Variants in RIPOR2 observed in about 807,000 individuals in gnomAD.
RIPOR2 encodes the protein rho family-interacting cell polarization regulator 2.
RIPOR2 carries 39 observed loss-of-function variants against 114.5 expected under a neutral mutation model. The ratio of observed to expected loss-of-function variants is 0.34; its 90% confidence interval spans 0.26 to 0.44. The LOEUF is 0.44. Among genes scored for constraint, RIPOR2 ranks in the 20% least tolerant of loss-of-function variants. The pLI is 1.00. For synonymous variants in RIPOR2, 445 were observed against 484.4 expected (o/e 0.92, Z 1.07); for missense variants, 1,007 against 1,255.1 (o/e 0.80, Z 2.99).
At chr6:24,932,358 AAGAG>A (rs1463340138) in intron 1 of RIPOR2, among the ~76,000 whole-genome samples, 4 of 151,486 alleles carry the variant, frequency 2.6e-5, no homozygotes, top group South Asian at 2.1e-4. Flanking sequence ...GAGAGAGAAA[AAGAG>A]AGAGAAGAAA....
intron 19 of RIPOR2, among the ~76,000 whole-genome samples, chr6:24,819,743 C>T (rs9366582): frequency 0.29 from 42,762 of 146,978 alleles, 7,202 homozygotes; most frequent in East Asian, 0.68. Flanking sequence ...CCTTGTGATC[C>T]GCCCACCTCG....
intron 1 of RIPOR2, among the ~76,000 whole-genome samples, chr6:25,036,794 CAA>C (rs1326290841): frequency 1.3e-5 from 2 of 152,154 alleles, no homozygotes; most frequent in African/African-American, 4.8e-5. Flanking sequence ...TCTGTGGGGG[CAA>C]ACACTCCATT....
chr6:24,961,046 G>A (rs1347492200), intron 1 of RIPOR2, among the ~76,000 whole-genome samples: 3 of 152,132 alleles, frequency 2.0e-5, no homozygotes, highest in Non-Finnish European at 4.4e-5. Context: ...TCGGCTCTGG[G>A]CAAGGTGCCA....
chr6:24,822,575 A>T (rs371083603), intron 19 of RIPOR2, among the ~76,000 whole-genome samples: 5 of 151,874 alleles, frequency 3.3e-5, no homozygotes, highest in African/African-American at 1.2e-4. Flanking sequence ...CTGGAGTGCA[A>T]TGGTGCGATC....
intron 9 of RIPOR2, among the ~76,000 whole-genome samples, chr6:24,852,063 C>T (rs923328798): frequency 1.3e-5 from 2 of 151,976 alleles, no homozygotes; most frequent in Non-Finnish European, 1.5e-5. Flanking sequence ...AGTTCAAGAC[C>T]AGCCTGGCCA....
intron 1 of RIPOR2, among the ~76,000 whole-genome samples, chr6:24,917,480 T>C (rs1250387720): frequency 1.3e-5 from 2 of 152,256 alleles, no homozygotes; most frequent in Non-Finnish European, 2.9e-5. Flanking sequence ...AAAGTATCAA[T>C]ATCTACGTGT....
At chr6:24,886,596 G>A (rs2113950703) in intron 1 of RIPOR2, among the ~76,000 whole-genome samples, 1 of 152,290 alleles carries the variant, frequency 6.6e-6, no homozygotes, top group African/African-American at 2.4e-5. Context: ...CTTACTTTGG[G>A]TTTGTTTGCT....
At chr6:25,030,187 G>C (rs1776853659) in intron 1 of RIPOR2, among the ~76,000 whole-genome samples, 1 of 151,986 alleles carries the variant, frequency 6.6e-6, no homozygotes, top group Non-Finnish European at 1.5e-5. Flanking sequence ...TTCTGTACAG[G>C]TTGTATAATC....
Position 24,848,125 on chromosome 6 carries a change from GA to G in RIPOR2, c.1063del (p.Ser355ProfsTer125). 6.2e-7 allele frequency: 1 copy of G among 1,613,706 alleles called. No homozygotes were observed. The highest frequency in any genetic ancestry group is 8.5e-7 in the Non-Finnish European group (1 of 1,179,806). On this transcript the variant is annotated frameshift_variant, in exon 12 of 22. Transcript: ENST00000643898. LOFTEE classifies it high-confidence loss of function. The stretch of plus-strand genomic sequence containing the variant: ...TGCTGCCTTGTTCCCAGCGCCTGAG[GA>G]TGCGGTCATGTCCTCCACGTCAAAT... ...YPFDVEDMTASSGAGNKAAAL... is the reference protein window; with the variant it reads ...YPFDVEDMTAXSGAGNKAAAL...
chr6:24,806,446 T>C lies in RIPOR2; in HGVS notation c.3071A>G (p.Gln1024Arg), dbSNP rs201521593. ...ACAGTCTCGAGGAAATTTGTCCAATTGTTCATATGCCAGCCGCCCATCTTC... is the reference window on the plus strand; with the variant it reads ...ACAGTCTCGAGGAAATTTGTCCAATCGTTCATATGCCAGCCGCCCATCTTC... ...LGEDGRLAYE[Q>R]LDKFPRDCVK... is the part of the protein sequence containing the mutation. Residue 1024 changes from glutamine to arginine, a missense_variant, in exon 22 of 22, where the codon CAA (glutamine) becomes CGA (arginine). By Grantham distance (43) the Gln-to-Arg change is conservative (BLOSUM62 1). Coordinates refer to ENST00000643898, the MANE Select transcript of RIPOR2 (RefSeq NM_001286445.3). 1.6e-4 allele frequency: 241 copies of C among 1,551,898 alleles called. 3 individuals carry two copies. The South Asian group carries it at 2.0e-3, about 13-fold the overall frequency.
At chr6:24,861,080 C>CCAA in intron 7 of RIPOR2, 44 bp from the exon 8 acceptor site, 1 of 1,402,448 alleles carries the variant, frequency 7.1e-7, no homozygotes, top group Non-Finnish European at 1.0e-6. Flanking sequence ...AGCCTTTCAC[C>CCAA]CAACAGCTCA....
At chr6:24,880,968 G>T (rs1000261366) in intron 1 of RIPOR2, among the ~76,000 whole-genome samples, 4 of 152,194 alleles carry the variant, frequency 2.6e-5, no homozygotes, top group African/African-American at 9.7e-5. Context: ...CTCAGGCCAG[G>T]TGCAGTGGCT....
intron 20 of RIPOR2, among the ~76,000 whole-genome samples, chr6:24,817,974 C>CTTTTTTTTTTTT (rs1240119674): frequency 3.1e-5 from 1 of 31,798 alleles, no homozygotes. Context: ...TTCTCTCTCT[C>CTTTTTTTTTTTT]TCTCTTTTTT....
At chr6:24,844,504 T>G (rs1036786940) in intron 12 of RIPOR2, among the ~76,000 whole-genome samples, 1 of 152,002 alleles carries the variant, frequency 6.6e-6, no homozygotes, top group African/African-American at 2.4e-5. Flanking sequence ...GAGTTTCCCT[T>G]TTGTTGCCCA....
Position 24,811,666 on chromosome 6 carries a change from T to TATGACAATCAAAACTGG in RIPOR2, c.2953-1860_2953-1859insCCAGTTTTGATTGTCAT, listed in dbSNP as rs1429594338. 4.7e-3 allele frequency among the ~76,000 whole-genome samples: 40 copies of TATGACAATCAAAACTGG among 8,538 alleles called. 8 individuals carry two copies. Among genetic ancestry groups the TATGACAATCAAAACTGG allele is most frequent in the Middle Eastern group, 0.1 (1 of 10 alleles). 5.6% of individuals were successfully genotyped at this position (8,538 alleles called of 152,430 possible). A position where few individuals can be genotyped will look rare whatever the true frequency, so the allele number is the denominator to read the frequency against. ...TCCCATTCGTTTAGTACTTTTTTTT[T>TATGACAATCAAAACTGG]TTTTTTTTTCTTTTTTTTTTTTTTA... On this transcript the variant is annotated intron_variant, in intron 20 of 21. Transcript: ENST00000643898.
intron 1 of RIPOR2, among the ~76,000 whole-genome samples, chr6:25,005,920 G>A (rs1236200498): frequency 2.0e-5 from 3 of 151,410 alleles, no homozygotes; most frequent in Non-Finnish European, 2.9e-5. Context: ...GAAAGCAATA[G>A]AACATTCAGA....
At chr6:24,871,923 G>A (rs1486994353) in intron 4 of RIPOR2, among the ~76,000 whole-genome samples, 1 of 152,114 alleles carries the variant, frequency 6.6e-6, no homozygotes, top group Non-Finnish European at 1.5e-5. Flanking sequence ...ATAGATGCAG[G>A]CAATTTATAT....
intron 1 of RIPOR2, among the ~76,000 whole-genome samples, chr6:24,948,799 G>A (rs2114195852): frequency 6.6e-6 from 1 of 152,270 alleles, no homozygotes; most frequent in Admixed American, 6.5e-5. Flanking sequence ...CCAAAGTGCT[G>A]GGATTACAGG....
In RIPOR2 at chr6:24,832,252, T is replaced by A; in HGVS notation, c.2344+4A>T. The A allele has an allele frequency of 4.5e-6, 7 of 1,551,534 alleles. No homozygotes were observed. Among genetic ancestry groups the A allele is most frequent in the Non-Finnish European group, 6.1e-6 (7 of 1,146,844 alleles). On this transcript the variant is annotated splice_donor_region_variant and intron_variant, in intron 16 of 21. Coordinates refer to ENST00000643898, the MANE Select transcript of RIPOR2 (RefSeq NM_001286445.3). ...GAATAGCGGTGTAACTGGCAGATACTTACCTTCCACAACAGAACTGATATT... is the reference window on the plus strand; with the variant it reads ...GAATAGCGGTGTAACTGGCAGATACATACCTTCCACAACAGAACTGATATT...
Sources: gnomAD v4.1 joint callset for allele counts (sites outside exome capture counted in the v4.1 genomes callset) on GRCh38, gnomAD v4.1.1 for gene constraint, MANE v1.5 for transcripts, NCBI Gene and HGNC (gene_info 2026-07-23, HGNC 2026-07-21) for gene names.